LAMC2: variants seen among roughly 807,000 people sequenced by gnomAD.
The protein encoded by LAMC2 is laminin subunit gamma 2.
In LAMC2, 97 loss-of-function variants were observed where a neutral mutation model predicts 140.2. The ratio of observed to expected loss-of-function variants is 0.69; its 90% CI spans 0.59 to 0.82. The LOEUF is 0.82. Among genes scored for constraint, LAMC2 ranks in the 40% least tolerant of loss-of-function variants. The pLI, the probability that LAMC2 is intolerant of heterozygous loss-of-function variation, is 0.00. For synonymous variants in LAMC2, 513 were observed against 540.2 expected, an observed-to-expected ratio of 0.95 and a Z score of 0.70; for missense variants, 1,402 against 1,476.1, an observed-to-expected ratio of 0.95 and a Z score of 0.82.
At chr1:183,247,167 C>T (rs1382722646), downstream of LAMC2, among the ~76,000 whole-genome samples, 1 of 152,102 alleles carries the variant, frequency 6.6e-6, no homozygotes, top group Non-Finnish European at 1.5e-5. Context: ...CAAAAATTAA[C>T]TGCGCATGGT....
At position 183,227,568 on chromosome 1, in the gene LAMC2, A is replaced by G. The variant is rs149828888; in HGVS notation, c.1339A>G (p.Ile447Val). The change falls in exon 10 of 23, where the codon ATT becomes GTT. Residue 447 changes from isoleucine (I) to valine (V), a missense_variant. Coordinates refer to ENST00000264144, the MANE Select transcript of LAMC2 (RefSeq NM_005562.3). Reference sequence around the variant, plus strand: ...TGACATTGAGTGTGCTGACTGCCCAATTGGTTTCTACAACGATCCGCACGA... The same window carrying G: ...TGACATTGAGTGTGCTGACTGCCCAGTTGGTTTCTACAACGATCCGCACGA... ...NPDIECADCP[I>V]GFYNDPHDPR... 7.8e-5 allele frequency: 126 copies of G among 1,614,074 alleles called. No individual in the cohort carries two copies. The African/African-American group carries it at 1.0e-3, about 13-fold the overall frequency.
Position 183,232,852 on chromosome 1 carries a change from A to C in LAMC2, c.2215A>C (p.Asn739His). 2.5e-6 allele frequency: 4 copies of C among 1,614,004 alleles called. No homozygotes were observed. The highest frequency in any genetic ancestry group is 3.4e-6 in the Non-Finnish European group (4 of 1,179,908). ...GGCAGAAAGTGAAGCTTCCTTGGGA[A>C]ACACTGTAGGTTTTTGCTGGGCTAG... Reference protein sequence around the residue: ...SLAESEASLGNTNIPASDHYV... With the variant: ...SLAESEASLGHTNIPASDHYV... The change falls in exon 14 of 23, where the codon AAC (asparagine) becomes CAC (histidine). Residue 739 changes from asparagine to histidine, a missense_variant. Physicochemically the swap from Asn to His is moderately conservative, Grantham distance 68. Coordinates refer to ENST00000264144, the MANE Select transcript of LAMC2 (RefSeq NM_005562.3).
At chr1:183,246,871 A>G (rs1393058164), downstream of LAMC2, among the ~76,000 whole-genome samples, 4 of 152,244 alleles carry the variant, frequency 2.6e-5, no homozygotes, top group Admixed American at 6.5e-5. Flanking sequence ...ACTATTGGCT[A>G]CATGGAACTT....
chr1:183,233,088 A>G (rs566195396), intron 14 of LAMC2, among the ~76,000 whole-genome samples: 49 of 152,256 alleles, frequency 3.2e-4, no homozygotes, highest in Admixed American at 2.9e-3. Flanking sequence ...ATTTATTTCT[A>G]ACTACATCCT....
intron 10 of LAMC2, 88 bp downstream of exon 10, chr1:183,227,785 T>G: frequency 8.1e-7 from 1 of 1,227,056 alleles, no homozygotes; most frequent in Non-Finnish European, 1.2e-6. Context: ...GAGGAATTCC[T>G]AGGAAATTAT....
intron 1 of LAMC2, among the ~76,000 whole-genome samples, chr1:183,189,863 G>A (rs1658271321): frequency 1.3e-5 from 2 of 152,208 alleles, no homozygotes; most frequent in Admixed American, 6.5e-5. Flanking sequence ...TGAAGCAATT[G>A]TTCTTCCAGA....
intron 18 of LAMC2, 108 bp downstream of exon 18, chr1:183,237,612 C>A: frequency 8.8e-7 from 1 of 1,135,760 alleles, no homozygotes; most frequent in Non-Finnish European, 1.3e-6. Context: ...GGCACGGTGA[C>A]TTATCCCTGT....
chr1:183,250,721 C>T, the LAMC2 span: 1 of 152,554 alleles, frequency 6.6e-6, no homozygotes, highest in South Asian at 2.1e-4. Context: ...ACACTGATAC[C>T]CCAAAATAGG....
At chr1:183,231,215 T>G (rs957055363) in intron 12 of LAMC2, 112 bp downstream of exon 12, 1 of 1,208,268 alleles carries the variant, frequency 8.3e-7, no homozygotes, top group Non-Finnish European at 1.2e-6. Context: ...AGGATGGGAG[T>G]AGTGATTACT....
intron 1 of LAMC2, among the ~76,000 whole-genome samples, chr1:183,191,120 A>G (rs933057583): frequency 6.6e-6 from 1 of 152,200 alleles, no homozygotes; most frequent in Non-Finnish European, 1.5e-5. Flanking sequence ...TCTTCCCCAA[A>G]CAATATTTTT....
chr1:183,257,231 A>G, the LAMC2 span, among the ~76,000 whole-genome samples: 1 of 152,068 alleles, frequency 6.6e-6, no homozygotes, highest in East Asian at 1.9e-4. Context: ...TCACAAGCTC[A>G]GGAGTTCAAG....
chr1:183,234,946 T>A (rs1229876624), intron 15 of LAMC2, among the ~76,000 whole-genome samples: 1 of 152,088 alleles, frequency 6.6e-6, no homozygotes, highest in Non-Finnish European at 1.5e-5. Flanking sequence ...TCCTACGGTG[T>A]TTAAGAGGTT....
chr1:183,240,372 C>G lies in LAMC2; in HGVS notation c.3309C>G (p.Asp1103Glu), dbSNP rs753696912. The G allele has an allele frequency of 1.2e-6, 2 of 1,614,198 alleles. No individual in the cohort carries two copies. The highest frequency in any genetic ancestry group is 3.3e-5 in the Admixed American group (2 of 60,020). The change falls in exon 22 of 23, where the codon GAC becomes GAG. Residue 1103 changes from aspartate (D) to glutamate (E), a missense_variant. Physicochemically the swap from Asp to Glu is conservative, Grantham distance 45. Transcript: ENST00000264144. ...VTIQDTLNTL[D>E]GLLHLMDQPL... is the part of the protein sequence containing the mutation. ...TCCAAGACACACTCAACACATTAGA[C>G]GGCCTCCTGCATCTGATGGGTATGT...
At chr1:183,230,790 C>A (rs561052937) in intron 11 of LAMC2, among the ~76,000 whole-genome samples, 171 bp from the exon 12 acceptor site, 146 of 152,282 alleles carry the variant, frequency 9.6e-4, no homozygotes, top group Middle Eastern at 6.8e-3. Context: ...TCCACACACA[C>A]CAGGCAAACC....
chr1:183,254,298 A>C, the LAMC2 span, among the ~76,000 whole-genome samples: 1 of 152,158 alleles, frequency 6.6e-6, no homozygotes, highest in South Asian at 2.1e-4. Flanking sequence ...GTGAGGTAGA[A>C]TCTCATAATG....
chr1:183,215,725 CTTTAATCCTCACAAT>C, intron 3 of LAMC2, 137 bp downstream of exon 3: 6 of 1,026,282 alleles, frequency 5.8e-6, no homozygotes, highest in Non-Finnish European at 7.6e-6. Flanking sequence ...GGGCTATCTA[CTTTAATCCTCACAAT>C]ACCCCTAAGA....
intron 8 of LAMC2, 29 bp from the exon 9 acceptor site, chr1:183,226,669 C>G (rs1391868579): frequency 6.3e-7 from 1 of 1,587,434 alleles, no homozygotes; most frequent in Non-Finnish European, 8.7e-7. Flanking sequence ...GTACCACTTG[C>G]AACTTCTAAC....
In LAMC2 at chr1:183,232,857, T is replaced by G; in HGVS notation, c.2220T>G (p.Thr740=). 1 of 1,613,930 alleles carries G rather than the reference T, an allele frequency of 6.2e-7. No homozygotes were observed. The highest frequency in any genetic ancestry group is 8.5e-7 in the Non-Finnish European group (1 of 1,179,816). Reference sequence around the variant, plus strand: ...AAAGTGAAGCTTCCTTGGGAAACACTGTAGGTTTTTGCTGGGCTAGAGTAT... The same window carrying G: ...AAAGTGAAGCTTCCTTGGGAAACACGGTAGGTTTTTGCTGGGCTAGAGTAT... The part of the protein sequence containing the change: ...LAESEASLGN[T]NIPASDHYVG... The change falls in exon 14 of 23, where the codon ACT becomes ACG. Residue 740 remains threonine (T), a splice_region_variant and synonymous_variant. Coordinates refer to ENST00000264144, the MANE Select transcript of LAMC2 (RefSeq NM_005562.3).
At position 183,218,869 on chromosome 1, in the gene LAMC2, A is replaced by G. The variant is rs3814338; in HGVS notation, c.503+381A>G. On this transcript the variant is annotated intron_variant, in intron 4 of 22. Coordinates refer to ENST00000264144, the MANE Select transcript of LAMC2 (RefSeq NM_005562.3). ...CAGGAAAGGCCTGGCCTAATTAAAC[A>G]TGCTGCGAAAATTCTTGTAAGAGGG... is the stretch of plus-strand genomic sequence containing the variant. 3.9e-5 allele frequency among the ~76,000 whole-genome samples: 6 copies of G among 152,130 alleles called. No homozygotes were observed. The South Asian group carries it at 1.2e-3, about 32-fold the overall frequency.
Sources: allele counts gnomAD v4.1 joint callset (sites outside exome capture counted in the v4.1 genomes callset), GRCh38; gene constraint gnomAD v4.1.1; transcripts MANE v1.5; gene names NCBI Gene and HGNC (gene_info 2026-07-23, HGNC 2026-07-21).